The following SP140 variants were observed in gnomAD, a reference collection of about 807,000 sequenced individuals.
SP140 encodes nuclear body protein SP140.
In SP140, 81 loss-of-function variants were observed where a neutral mutation model predicts 125.0. That is an observed-to-expected ratio of 0.65 (90% confidence interval 0.54 to 0.78). SP140 has a LOEUF of 0.78. Among genes scored for constraint, SP140 ranks in the 30% least tolerant of loss-of-function variants. The pLI is 0.00. For synonymous variants in SP140, 312 were observed against 354.0 expected (o/e 0.88, Z 1.33); for missense variants, 858 against 1,037.0 (o/e 0.83, Z 2.37).
At chr2:230,202,837 G>C, upstream of SP140, 1 of 1,008,158 alleles carries the variant, frequency 9.9e-7, no homozygotes, top group Non-Finnish European at 1.6e-6. Context: ...CACTCTTTCA[G>C]ATCTCTGTAC....
Position 230,211,604 on chromosome 2 carries a change from C to T in SP140, c.-322-2050C>T, listed in dbSNP as rs1382224953. ...GATCTCAGGAACAGCAAGCAGGGAC[C>T]AGAATGAGGAGAAAAGAGAATGCTC... On this transcript the variant is annotated intron_variant, in intron 1 of 4. Coordinates refer to the SP140 transcript ENST00000456542. This position sits in a 1 kb window ranked among gnomAD's most constrained non-coding sequence, Gnocchi z 4.2. 1 of 1,079,084 alleles carries T rather than the reference C, an allele frequency of 9.3e-7. No homozygotes were observed. The highest frequency in any genetic ancestry group is 1.4e-6 in the Non-Finnish European group (1 of 691,844). 66.8% of individuals were successfully genotyped at this position (1,079,084 alleles called of 1,614,324 possible).
At position 230,312,718 on chromosome 2, in the gene SP140, T is replaced by C. The variant is rs763208159; in HGVS notation, c.*34T>C. ...GTGGATGCTGAAAGCATTCAGCAAA[T>C]GGCACCCTAAAATATGCCGCTGGTT... On this transcript the variant is annotated 3_prime_UTR_variant, in exon 27 of 27. Coordinates refer to ENST00000392045, the MANE Select transcript of SP140 (RefSeq NM_007237.5). The C allele has an allele frequency of 1.5e-5, 23 of 1,494,126 alleles. No homozygotes were observed. Among genetic ancestry groups the C allele is most frequent in the Admixed American group, 5.1e-5 (3 of 59,240 alleles). The allele number at this position is 1,494,126 out of a possible 1,614,324, so 92.6% of individuals were successfully genotyped here.
intron 1 of SP140, chr2:230,212,377 T>C: frequency 4.3e-6 from 7 of 1,613,596 alleles, no homozygotes; most frequent in Non-Finnish European, 5.9e-6. Flanking sequence ...AGGCTGGGCA[T>C]CTCTTCTGAG....
intron 1 of SP140, among the ~76,000 whole-genome samples, chr2:230,233,269 G>A (rs6436921): frequency 6.6e-6 from 1 of 151,950 alleles, no homozygotes; most frequent in Non-Finnish European, 1.5e-5. Context: ...ATTTGAATTT[G>A]TATTTGAAAT....
At chr2:230,230,158 A>G (rs1455673222) in intron 1 of SP140, among the ~76,000 whole-genome samples, 2 of 152,194 alleles carry the variant, frequency 1.3e-5, no homozygotes, top group African/African-American at 4.8e-5. Context: ...CCAAGAATTC[A>G]GAGACTAGGC....
upstream of SP140, among the ~76,000 whole-genome samples, chr2:230,199,222 T>C (rs2043021797): frequency 7.0e-6 from 1 of 143,388 alleles, no homozygotes; most frequent in Non-Finnish European, 1.5e-5. Flanking sequence ...TTTTTTTTTT[T>C]TTTTGAGACA....
chr2:230,307,990 T>C (rs12612731), intron 22 of SP140, among the ~76,000 whole-genome samples: 3,457 of 52,428 alleles, frequency 0.066, 304 homozygotes, highest in African/African-American at 0.23. Flanking sequence ...TATATATATA[T>C]ACACACACAC....
At position 230,265,442 on chromosome 2, in the gene SP140, G is replaced by A. The variant is rs368488187; in HGVS notation, c.1241-4090G>A. ...TGTGGAGTCTGCACACCGGATTTGC[G>A]CCCTCACAAGAGTTCTGTCCAGGAG... On this transcript the variant is annotated intron_variant, in intron 12 of 26. Coordinates refer to ENST00000392045, the MANE Select transcript of SP140 (RefSeq NM_007237.5). Among the ~76,000 whole-genome samples the A allele has an allele frequency of 8.5e-5, 13 of 152,214 alleles. No homozygotes were observed. The East Asian group carries it at 2.1e-3, about 25-fold the overall frequency.
intron 3 of SP140, 196 bp downstream of exon 3, chr2:230,238,577 G>A (rs2048297866): frequency 9.4e-6 from 7 of 743,718 alleles, no homozygotes; most frequent in Non-Finnish European, 1.1e-5. Context: ...AGTGACAGAC[G>A]TTAACCAAGT....
chr2:230,244,221 T>C (rs1374636947), intron 5 of SP140, among the ~76,000 whole-genome samples: 1 of 152,256 alleles, frequency 6.6e-6, no homozygotes, highest in East Asian at 1.9e-4. Context: ...TATCTAGTTA[T>C]TGTTCAAAGA....
chr2:230,277,243 G>C (rs1424624091), intron 15 of SP140, among the ~76,000 whole-genome samples: 2 of 152,052 alleles, frequency 1.3e-5, no homozygotes, highest in Non-Finnish European at 2.9e-5. Flanking sequence ...AGACACCTCA[G>C]CCTTCATCAG....
At position 230,237,338 on chromosome 2, in the gene SP140, T is replaced by C; in HGVS notation, c.237+78T>C. ...AAACTTCAAGATGCAATGAGCAGGC[T>C]AAAGGGCCTCCTGTGAGTGGGGACC... On this transcript the variant is annotated intron_variant, in intron 2 of 26. Coordinates refer to ENST00000392045, the MANE Select transcript of SP140 (RefSeq NM_007237.5). The surrounding 1 kb of genome is among the most constrained non-coding windows in gnomAD (Gnocchi z 5.4). 2 of 1,328,302 alleles carry C rather than the reference T, an allele frequency of 1.5e-6. No homozygotes were observed. The highest frequency in any genetic ancestry group is 2.1e-6 in the Non-Finnish European group (2 of 949,392). 82.3% of individuals were successfully genotyped at this position (1,328,302 alleles called of 1,614,324 possible).
At chr2:230,191,062 A>G in the SP140 span, among the ~76,000 whole-genome samples, 1 of 152,130 alleles carries the variant, frequency 6.6e-6, no homozygotes, top group South Asian at 2.1e-4. Flanking sequence ...TCCATATGAA[A>G]TTTAAAATAG....
At chr2:230,304,941 G>A (rs2058617513) in intron 22 of SP140, among the ~76,000 whole-genome samples, 1 of 152,130 alleles carries the variant, frequency 6.6e-6, no homozygotes, top group South Asian at 2.1e-4. Flanking sequence ...CTTCTATACA[G>A]CAAAAGAAAT....
upstream of SP140, among the ~76,000 whole-genome samples, chr2:230,198,596 A>G (rs1283458129): frequency 6.6e-6 from 1 of 151,314 alleles, no homozygotes; most frequent in Admixed American, 6.6e-5. Flanking sequence ...AAATGATAGA[A>G]TTTTTTTTTC....
In SP140 at chr2:230,312,674, G is replaced by A. The variant is rs1474403336; in HGVS notation, c.2594G>A (p.Gly865Glu). ...GTGTTTGCTATTCAGGAAACAAATG[G>A]GAACAATTGACTGGATTAGTGGATG... ...KEVFAIQETN[G>E]NN Residue 865 changes from glycine (G) to glutamate (E), a missense_variant, in exon 27 of 27, where the codon GGG becomes GAG. Gly to Glu is a moderately conservative substitution (Grantham distance 98). Coordinates refer to ENST00000392045, the MANE Select transcript of SP140 (RefSeq NM_007237.5). 6.2e-7 allele frequency: 1 copy of A among 1,607,524 alleles called. No homozygotes were observed. The highest frequency in any genetic ancestry group is 1.7e-5 in the Admixed American group (1 of 59,820).
At chr2:230,289,785 G>C (rs1040293153) in intron 18 of SP140, among the ~76,000 whole-genome samples, 14 of 152,060 alleles carry the variant, frequency 9.2e-5, no homozygotes, top group African/African-American at 2.9e-4. Context: ...CTACACCTTT[G>C]GTTGGAAGGG....
intron 1 of SP140, among the ~76,000 whole-genome samples, chr2:230,232,918 T>G (rs2047456239): frequency 6.6e-6 from 1 of 152,202 alleles, no homozygotes; most frequent in Non-Finnish European, 1.5e-5. Context: ...TTTACCTTCT[T>G]TCTCATTTGT....
intron 12 of SP140, among the ~76,000 whole-genome samples, chr2:230,259,653 C>A (rs1349221913): frequency 6.6e-6 from 1 of 151,256 alleles, no homozygotes; most frequent in Non-Finnish European, 1.5e-5. Context: ...CACCACTGCA[C>A]TCCAGCCTGG....
Sources: gnomAD v4.1 joint callset for allele counts (sites outside exome capture counted in the v4.1 genomes callset) on GRCh38, gnomAD v4.1.1 for gene constraint, Gnocchi (gnomAD v3.1) non-coding constraint, MANE v1.5 for transcripts, NCBI Gene and HGNC (gene_info 2026-07-23, HGNC 2026-07-21) for gene names.